Variants in IGSF1 observed in about 807,000 individuals in gnomAD.
IGSF1 encodes immunoglobulin-like domain-containing protein 1.
IGSF1 carries 40 observed loss-of-function variants against 95.3 expected under a neutral mutation model. That is an observed-to-expected ratio of 0.42 (90% confidence interval 0.33 to 0.55). The LOEUF (loss-of-function observed/expected upper bound fraction) is 0.55, where lower values mean the gene tolerates loss of function less well. IGSF1 is among the 20% of genes least tolerant of loss of function. The pLI, the probability that IGSF1 is intolerant of heterozygous loss-of-function variation, is 0.10. For synonymous variants in IGSF1, 372 were observed against 382.9 expected, an observed-to-expected ratio of 0.97 and a Z score of 0.33; for missense variants, 906 against 1,025.4, an observed-to-expected ratio of 0.88 and a Z score of 1.59.
intron 11 of IGSF1, 59 bp downstream of exon 11, chrX:131,279,084 C>G: frequency 9.2e-7 from 1 of 1,091,163 alleles, no homozygotes; most frequent in Non-Finnish European, 1.3e-6. Flanking sequence ...CACTGACGCT[C>G]TGTAGTTATT....
Position 131,277,872 on chromosome X carries a change from C to T in IGSF1, c.2304G>A (p.Leu768=). The stretch of plus-strand genomic sequence containing the variant: ...CAGCTCTACCTTTTATGACAAGCTC[C>T]AGCGGCTCACTGGGCTCAGACCACT... ...PFKWSEPSEP[L]ELVIKEMYPK... The change falls in exon 13 of 20, where the codon CTG becomes CTA. Residue 768 remains leucine, a synonymous_variant. Coordinates refer to ENST00000361420, the MANE Select transcript of IGSF1 (RefSeq NM_001555.5). 1 of 1,209,809 alleles carries T rather than the reference C, an allele frequency of 8.3e-7. No homozygotes were observed. Among genetic ancestry groups the T allele is most frequent in the Non-Finnish European group, 1.1e-6 (1 of 894,908 alleles).
chrX:131,275,415 A>G (rs891521731), intron 16 of IGSF1, 63 bp downstream of exon 16: 17 of 1,155,561 alleles, frequency 1.5e-5, no homozygotes, highest in Non-Finnish European at 2.0e-5. Flanking sequence ...ACTATCTCCC[A>G]TGAACTAGTC....
In IGSF1 at chrX:131,280,927, G is replaced by A. The variant is rs756748771; in HGVS notation, c.1646+291C>T. Reference sequence around the variant, plus strand: ...GAGGGAGACATCAATCATCTCTGAGGGCAGGATGGTTTGTGGGCGAGATTT... The same window carrying A: ...GAGGGAGACATCAATCATCTCTGAGAGCAGGATGGTTTGTGGGCGAGATTT... On this transcript the variant is annotated intron_variant, in intron 9 of 19. Transcript: ENST00000361420. The A allele has an allele frequency of 2.0e-5, 5 of 244,147 alleles. No individual in the cohort carries two copies. In the South Asian group the frequency reaches 4.5e-4, roughly 22 times the overall value. 20.1% of individuals were successfully genotyped at this position (244,147 alleles called of 1,213,427 possible).
At chrX:131,283,711 G>A (rs1174266234) in intron 5 of IGSF1, among the ~76,000 whole-genome samples, 1 of 112,407 alleles carries the variant, frequency 8.9e-6, no homozygotes, top group Admixed American at 9.4e-5. Flanking sequence ...ACTGAAAGAA[G>A]CCAATAAAGA....
rs748527825 is a variant in IGSF1 at position 131,274,129 on chromosome X, C to T, written c.3829G>A (p.Val1277Ile). 2.5e-6 allele frequency: 3 copies of T among 1,209,444 alleles called. No homozygotes were observed. The highest frequency in any genetic ancestry group is 2.2e-6 in the Non-Finnish European group (2 of 894,886). Residue 1277 changes from valine to isoleucine, a missense_variant, in exon 19 of 20, where the codon GTA becomes ATA. Transcript: ENST00000361420. ...TTCTTCCACTCTATGGCTAGCACTA[C>T]CCCCAAGGCTACAACAACCACCACG... ...LIVVVVVALG[V>I]VLAIEWKKWP...
Position 131,286,294 on chromosome X carries a change from GC to G in IGSF1, c.97+142del, listed in dbSNP as rs777920152. On this transcript the variant is annotated intron_variant, in intron 3 of 19. Coordinates refer to ENST00000361420, the MANE Select transcript of IGSF1 (RefSeq NM_001555.5). ...ATCTGAGATAAAGCTTTTTCACCAT[GC>G]CATAGGAAACCAAGTCCTCTGATTC... The G allele has an allele frequency of 7.1e-5, 40 of 562,958 alleles. No homozygotes were observed. In the South Asian group the frequency reaches 1.0e-3, roughly 15 times the overall value. 46.4% of individuals were successfully genotyped at this position (562,958 alleles called of 1,213,427 possible). A position where few individuals can be genotyped will look rare whatever the true frequency, so the allele number is the denominator to read the frequency against.
chrX:131,278,273 T>C, intron 12 of IGSF1, 139 bp from the exon 13 acceptor site: 1 of 716,848 alleles, frequency 1.4e-6, no homozygotes, highest in Non-Finnish European at 2.1e-6. Flanking sequence ...CCTCACACTC[T>C]CTTTCCCATT....
Position 131,273,730 on chromosome X carries a change from G to T in IGSF1, c.*66C>A. The T allele has an allele frequency of 9.3e-7, 1 of 1,076,661 alleles. No homozygotes were observed. The highest frequency in any genetic ancestry group is 1.3e-6 in the Non-Finnish European group (1 of 790,933). The allele number at this position is 1,076,661 out of a possible 1,213,427, so 88.7% of individuals were successfully genotyped here. A position where few individuals can be genotyped will look rare whatever the true frequency, so the allele number is the denominator to read the frequency against. Reference sequence around the variant, plus strand: ...GATGGGGCTGACTTGCAGGGTAACTGGTTGGATTTATAGGTCTCTGAGAGC... The same window carrying T: ...GATGGGGCTGACTTGCAGGGTAACTTGTTGGATTTATAGGTCTCTGAGAGC... On this transcript the variant is annotated 3_prime_UTR_variant, in exon 20 of 20. Transcript: ENST00000361420.
chrX:131,284,271 T>C (rs1007107690), intron 5 of IGSF1: 1 of 192,022 alleles, frequency 5.2e-6, no homozygotes, highest in Non-Finnish European at 8.0e-6. Context: ...ATTAAACCAA[T>C]TTTGCAGATC....
At position 131,286,528 on chromosome X, in the gene IGSF1, A is replaced by C. The variant is rs73568436; in HGVS notation, c.71-65T>G. The C allele has an allele frequency of 0.059, 69,592 of 1,172,462 alleles. 1,622 individuals carry two copies. The highest frequency in any genetic ancestry group is 0.17 in the South Asian group (9,203 of 55,543). ...GTCTCCATCCTGTGCTCAAACCTCAATACTTTCCTCTCCCACCCCTAATGA... is the reference window on the plus strand; with the variant it reads ...GTCTCCATCCTGTGCTCAAACCTCACTACTTTCCTCTCCCACCCCTAATGA... On this transcript the variant is annotated intron_variant, in intron 2 of 19. Transcript: ENST00000361420.
Position 131,281,855 on chromosome X carries a change from G to T in IGSF1, c.1336C>A (p.Pro446Thr). Residue 446 changes from proline (P) to threonine (T), a missense_variant, in exon 8 of 20, where the codon CCA becomes ACA. Transcript: ENST00000361420. Reference protein sequence around the residue: ...AITLQCRVSHPVLEFSLEWEE... With the variant: ...AITLQCRVSHTVLEFSLEWEE... ...CATTCCAGAGAAAATTCCAGTACTG[G>T]ATGAGATACTCGGCACTGAAGGGTG... is the stretch of plus-strand genomic sequence containing the variant. 1 of 1,208,952 alleles carries T rather than the reference G, an allele frequency of 8.3e-7. No individual in the cohort carries two copies. The highest frequency in any genetic ancestry group is 1.8e-5 in the South Asian group (1 of 56,923).
intron 5 of IGSF1, chrX:131,284,364 A>G (rs766966109): frequency 1.7e-4 from 41 of 235,286 alleles, no homozygotes; most frequent in Non-Finnish European, 2.3e-4. Context: ...AGGAAGCCAA[A>G]GCACAGAAAA....
In IGSF1 at chrX:131,282,656, C is replaced by T. The variant is rs1334483462; in HGVS notation, c.1034G>A (p.Gly345Glu). The change falls in exon 7 of 20, where the codon GGA becomes GAA. Residue 345 changes from glycine (G) to glutamate (E), a missense_variant. Gly to Glu is a moderately conservative substitution (Grantham distance 98). This residue lies in a region of IGSF1 where 442 missense variants were observed against 448.1 expected (regional missense o/e 0.99). Coordinates refer to ENST00000361420, the MANE Select transcript of IGSF1 (RefSeq NM_001555.5). ...TGCAAGACCCACTCCATCCACTGGT[C>T]CTCGACACCGTAGGCTCACATTCTG... ...MGQNVSLRCRGPVDGVGLALY... is the reference protein window; with the variant it reads ...MGQNVSLRCREPVDGVGLALY... The T allele has an allele frequency of 4.1e-6, 5 of 1,208,553 alleles. No homozygotes were observed. Among genetic ancestry groups the T allele is most frequent in the African/African-American group, 3.5e-5 (2 of 57,070 alleles).
chrX:131,273,593 G>A lies in IGSF1; in HGVS notation c.*203C>T, dbSNP rs2080441384. ...ATGCGCCAGTAAATCAGTACAGTGA[G>A]GAGTTACAGGGGTGGGGAACCTCTC... On this transcript the variant is annotated 3_prime_UTR_variant, in exon 20 of 20. Coordinates refer to ENST00000361420, the MANE Select transcript of IGSF1 (RefSeq NM_001555.5). 4.7e-6 allele frequency: 2 copies of A among 424,423 alleles called. No individual in the cohort carries two copies. The highest frequency in any genetic ancestry group is 8.3e-6 in the Non-Finnish European group (2 of 241,662). The allele number at this position is 424,423 out of a possible 1,213,427, so 35.0% of individuals were successfully genotyped here.
chrX:131,286,344 G>A (rs781629142), intron 3 of IGSF1, 93 bp downstream of exon 3: 6 of 775,099 alleles, frequency 7.7e-6, no homozygotes, highest in Admixed American at 2.4e-5. Flanking sequence ...TCTATCTCTG[G>A]AATCTCAAGG....
rs1312247305 is a variant in IGSF1, at chrX:131,285,309, C to T, written c.537G>A (p.Gly179=). The change falls in exon 5 of 20, where the codon GGG becomes GGA. Residue 179 remains glycine, a synonymous_variant. Transcript: ENST00000361420. Reference sequence around the variant, plus strand: ...TGTCAATGGAGAATATGGCCATTGTCCCAGTTGGGACTTGGTAATCCACAG... The same window carrying T: ...TGTCAATGGAGAATATGGCCATTGTTCCAGTTGGGACTTGGTAATCCACAG... ...AEPVDYQVPT[G]TMAIFSIDNL... is the part of the protein sequence containing the mutation. The T allele has an allele frequency of 2.5e-6, 3 of 1,209,372 alleles. No individual in the cohort carries two copies. Among genetic ancestry groups the T allele is most frequent in the Non-Finnish European group, 3.4e-6 (3 of 894,539 alleles).
chrX:131,277,038 T>G lies in IGSF1; in HGVS notation c.2509A>C (p.Ile837Leu). 8.3e-7 allele frequency: 1 copy of G among 1,210,395 alleles called. No individual in the cohort carries two copies. Among genetic ancestry groups the G allele is most frequent in the Non-Finnish European group, 1.1e-6 (1 of 894,902 alleles). Residue 837 changes from isoleucine to leucine, a missense_variant, in exon 14 of 20, where the codon ATT becomes CTT. Transcript: ENST00000361420. Reference protein sequence around the residue: ...PGASAAHFLIISVGIGDGGNY... With the variant: ...PGASAAHFLILSVGIGDGGNY... Reference sequence around the variant, plus strand: ...CCTCCATCACCAATGCCCACCGAAATGATTAGAAAGTGAGCTGCACTGGCC... The same window carrying G: ...CCTCCATCACCAATGCCCACCGAAAGGATTAGAAAGTGAGCTGCACTGGCC...
chrX:131,283,241 T>C lies in IGSF1; in HGVS notation c.691A>G (p.Thr231Ala). The C allele has an allele frequency of 8.3e-7, 1 of 1,209,018 alleles. No homozygotes were observed. The highest frequency in any genetic ancestry group is 1.1e-6 in the Non-Finnish European group (1 of 893,338). ...GCCATGATGGGCCCAGGATGGGCTG[T>C]CAAAGTTGGTTTGGGGTAGAGTCCT... The part of the protein sequence containing the change: ...VAGLYPKPTL[T>A]AHPGPIMAPG... Residue 231 changes from threonine to alanine, a missense_variant, in exon 6 of 20, where the codon ACA (threonine) becomes GCA (alanine). Physicochemically the swap from Thr to Ala is moderately conservative, Grantham distance 58 (BLOSUM62 0). Transcript: ENST00000361420.
At chrX:131,276,323 G>T in intron 14 of IGSF1, 75 bp from the exon 15 acceptor site, 2 of 862,052 alleles carry the variant, frequency 2.3e-6, no homozygotes, top group East Asian at 3.3e-5. Context: ...AAGTGTTATT[G>T]TAAGACACAA....
Sources: allele counts gnomAD v4.1 joint callset (sites outside exome capture counted in the v4.1 genomes callset), GRCh38; gene constraint gnomAD v4.1.1; regional missense constraint gnomAD v4.1.1; transcripts MANE v1.5; gene names NCBI Gene and HGNC (gene_info 2026-07-23, HGNC 2026-07-21).